Variants in ABL1 observed in about 807,000 individuals in gnomAD.
ABL1 encodes ABL proto-oncogene 1, non-receptor tyrosine kinase, also known as tyrosine-protein kinase ABL1.
ABL1 carries 11 observed loss-of-function variants against 94.7 expected under a neutral mutation model. The observed-to-expected ratio is 0.12, with a 90% CI of 0.07 to 0.19. The LOEUF (loss-of-function observed/expected upper bound fraction) is 0.19, where lower values mean the gene tolerates loss of function less well. ABL1 is among the 10% of genes least tolerant of loss of function. ABL1 has a pLI of 1.00. For synonymous variants in ABL1, 656 were observed against 622.4 expected (o/e 1.05, Z -0.80); for missense variants, 1,082 against 1,489.4 (o/e 0.73, Z 4.50).
At chr9:130,807,670 A>T (rs1485780211) in intron 1 of ABL1, among the ~76,000 whole-genome samples, 4 of 6,928 alleles carry the variant, frequency 5.8e-4, no homozygotes, top group Admixed American at 2.2e-3. Flanking sequence ...CCTTAATTTT[A>T]TATATATATA....
At chr9:130,883,614 C>T (rs1364655565) in intron 10 of ABL1, among the ~76,000 whole-genome samples, 1 of 152,172 alleles carries the variant, frequency 6.6e-6, no homozygotes, top group African/African-American at 2.4e-5. Context: ...AGCAGCCCCC[C>T]ACCCACCCAC....
chr9:130,853,365 AG>A (rs1830910381), intron 1 of ABL1, among the ~76,000 whole-genome samples: 1 of 150,040 alleles, frequency 6.7e-6, no homozygotes, highest in Non-Finnish European at 1.5e-5. Context: ...TAGTAAAGAC[AG>A]GATTTCACTG....
intron 1 of ABL1, among the ~76,000 whole-genome samples, chr9:130,715,003 G>A (rs903451658): frequency 6.6e-6 from 1 of 152,182 alleles, no homozygotes; most frequent in South Asian, 2.1e-4. Context: ...ATCAAGTGGG[G>A]AAGCAGCATT....
intron 1 of ABL1, among the ~76,000 whole-genome samples, chr9:130,796,412 G>A (rs1382170713): frequency 6.6e-6 from 1 of 152,120 alleles, no homozygotes; most frequent in Non-Finnish European, 1.5e-5. Flanking sequence ...TTGGAAGGCT[G>A]AGGCACAAAA....
At chr9:130,799,166 T>C (rs1356473534) in intron 1 of ABL1, among the ~76,000 whole-genome samples, 3 of 151,692 alleles carry the variant, frequency 2.0e-5, no homozygotes, top group Admixed American at 2.0e-4. Context: ...AAAAGGAGGC[T>C]TCACTTACGC....
At chr9:130,844,693 C>T (rs930701993) in intron 1 of ABL1, among the ~76,000 whole-genome samples, 3 of 152,032 alleles carry the variant, frequency 2.0e-5, no homozygotes, top group Admixed American at 6.6e-5. Context: ...CCTAGCTACT[C>T]AGGAGGTTGA....
exon 1 of ABL1, among the ~76,000 whole-genome samples, chr9:130,713,565 A>G (rs1466364542): frequency 2.0e-5 from 3 of 152,102 alleles, no homozygotes; most frequent in Admixed American, 6.5e-5. Context: ...CCTTGCTGTC[A>G]AGGGGTCTCC....
intron 1 of ABL1, among the ~76,000 whole-genome samples, chr9:130,779,564 A>G (rs772570726): frequency 9.9e-5 from 15 of 152,138 alleles, no homozygotes; most frequent in Non-Finnish European, 1.0e-4. Flanking sequence ...AGTCCTCTAT[A>G]CATTTAGCCC....
chr9:130,764,896 C>T (rs1475728494), intron 1 of ABL1, among the ~76,000 whole-genome samples: 2 of 150,624 alleles, frequency 1.3e-5, no homozygotes, highest in Non-Finnish European at 2.9e-5. Context: ...GTGGAGGTTG[C>T]AGTGAGCCAA....
intron 1 of ABL1, among the ~76,000 whole-genome samples, chr9:130,816,946 T>TC (rs911782343): frequency 2.7e-4 from 41 of 152,038 alleles, no homozygotes; most frequent in African/African-American, 9.2e-4. Flanking sequence ...CTCAGGTGAT[T>TC]CCCCCCGCCT....
At chr9:130,867,210 C>G (rs1444902308) in intron 4 of ABL1, among the ~76,000 whole-genome samples, 1 of 152,160 alleles carries the variant, frequency 6.6e-6, no homozygotes, top group Non-Finnish European at 1.5e-5. Context: ...TGTGTCTTTC[C>G]TGAGTCCGCA....
chr9:130,873,491 T>G (rs1383197357), intron 6 of ABL1, among the ~76,000 whole-genome samples: 1 of 152,252 alleles, frequency 6.6e-6, no homozygotes, highest in Non-Finnish European at 1.5e-5. Flanking sequence ...ACATGGCTTT[T>G]GTTTTTTAGT....
At chr9:130,878,595 A>C (rs1285118591) in intron 8 of ABL1, 28 bp downstream of exon 8, 4 of 1,609,544 alleles carry the variant, frequency 2.5e-6, no homozygotes. Flanking sequence ...TGTTCTCACG[A>C]GTATATGTGG....
intron 1 of ABL1, among the ~76,000 whole-genome samples, chr9:130,717,384 A>G (rs1452058895): frequency 6.7e-6 from 1 of 149,624 alleles, no homozygotes; most frequent in African/African-American, 2.6e-5. Flanking sequence ...ATATAAAATC[A>G]TGCACAGGTT....
Position 130,880,160 on chromosome 9 carries a change from A to G in ABL1, c.1513+3A>G, listed in dbSNP as rs1831426404. 2 of 1,613,824 alleles carry G rather than the reference A, an allele frequency of 1.2e-6. No homozygotes were observed. The highest frequency in any genetic ancestry group is 8.5e-7 in the Non-Finnish European group (1 of 1,179,836). On this transcript the variant is annotated splice_donor_region_variant and intron_variant, in intron 9 of 10. Transcript: ENST00000318560. The surrounding 1 kb of genome is among the most constrained non-coding windows in gnomAD (Gnocchi z 4.4). The stretch of plus-strand genomic sequence containing the variant: ...CCAGGAATCCAGTATCTCAGACGGT[A>G]AAGTACCCATCCCGGGGTACCTGCA...
intron 1 of ABL1, among the ~76,000 whole-genome samples, chr9:130,740,139 T>C (rs1327364728): frequency 1.3e-5 from 2 of 152,232 alleles, no homozygotes; most frequent in Non-Finnish European, 2.9e-5. Context: ...TTCACAGTGA[T>C]TCAGTGGCCA....
chr9:130,849,707 G>A (rs544773172), intron 1 of ABL1, among the ~76,000 whole-genome samples: 4 of 152,142 alleles, frequency 2.6e-5, no homozygotes, highest in African/African-American at 7.2e-5. Flanking sequence ...TAGTAGAGAC[G>A]GGGTTTCACC....
upstream of ABL1, chr9:130,834,760 C>T (rs1307480792): frequency 2.4e-6 from 1 of 423,310 alleles, no homozygotes; most frequent in Non-Finnish European, 4.8e-6. Flanking sequence ...TGGGTGCCAG[C>T]TCTGACTTCC....
At chr9:130,738,135 G>T (rs781108188) in intron 1 of ABL1, among the ~76,000 whole-genome samples, 1 of 152,092 alleles carries the variant, frequency 6.6e-6, no homozygotes, top group Non-Finnish European at 1.5e-5. Context: ...GTCCTTTCTT[G>T]AGGAATGGTG....
Sources: gnomAD v4.1 joint callset for allele counts (sites outside exome capture counted in the v4.1 genomes callset) on GRCh38, gnomAD v4.1.1 for gene constraint, Gnocchi (gnomAD v3.1) non-coding constraint, MANE v1.5 for transcripts, NCBI Gene and HGNC (gene_info 2026-07-23, HGNC 2026-07-21) for gene names.